RAP1A: variants seen among roughly 807,000 people sequenced by gnomAD.
RAP1A encodes RAP1A, member of RAS oncogene family, also known as ras-related protein Rap-1A.
Under a neutral mutation model 26.4 loss-of-function variants are expected in RAP1A, and 6 were observed. The observed-to-expected ratio is 0.23, with a 90% CI of 0.12 to 0.45. The LOEUF is 0.45. Ranked by LOEUF, RAP1A falls within the 20% of genes least tolerant of loss-of-function variation. The pLI is 0.99. For synonymous variants in RAP1A, 73 were observed against 79.4 expected (o/e 0.92, Z 0.43); for missense variants, 121 against 217.2 (o/e 0.56, Z 2.78).
intron 1 of RAP1A, among the ~76,000 whole-genome samples, chr1:111,679,208 T>C (rs1006230464): frequency 6.6e-6 from 1 of 152,162 alleles, no homozygotes; most frequent in African/African-American, 2.4e-5. Flanking sequence ...TCACTGGGAC[T>C]GGGTTAGACA....
intron 1 of RAP1A, among the ~76,000 whole-genome samples, chr1:111,658,973 T>A (rs1388051719): frequency 6.6e-6 from 1 of 152,232 alleles, no homozygotes; most frequent in Non-Finnish European, 1.5e-5. Flanking sequence ...TTGATGCCTT[T>A]ATCGTTATGT....
intron 1 of RAP1A, among the ~76,000 whole-genome samples, chr1:111,684,940 G>A (rs1044262679): frequency 2.0e-5 from 3 of 152,102 alleles, no homozygotes; most frequent in Non-Finnish European, 4.4e-5. Flanking sequence ...CAGATACATA[G>A]ACCAATGGAA....
chr1:111,701,077 C>T (rs1485466179), intron 4 of RAP1A, among the ~76,000 whole-genome samples: 1 of 152,162 alleles, frequency 6.6e-6, no homozygotes, highest in Non-Finnish European at 1.5e-5. Context: ...ATGTTTTCCT[C>T]AGCTTAAATT....
chr1:111,632,597 A>T (rs978214112), intron 1 of RAP1A, among the ~76,000 whole-genome samples: 1 of 152,132 alleles, frequency 6.6e-6, no homozygotes, highest in Non-Finnish European at 1.5e-5. Flanking sequence ...TGGTTGAAGG[A>T]GTAGAATACT....
intron 1 of RAP1A, among the ~76,000 whole-genome samples, chr1:111,628,896 C>T (rs1053146160): frequency 6.6e-6 from 1 of 152,030 alleles, no homozygotes; most frequent in African/African-American, 2.4e-5. Context: ...CCTATCATTT[C>T]GTCAGTAAAA....
chr1:111,586,722 A>G (rs1658371531), intron 1 of RAP1A, among the ~76,000 whole-genome samples: 1 of 152,226 alleles, frequency 6.6e-6, no homozygotes, highest in South Asian at 2.1e-4. Context: ...CAGGTTGTTG[A>G]AGGACTGAAT....
intron 1 of RAP1A, among the ~76,000 whole-genome samples, chr1:111,688,722 C>T (rs1332373257): frequency 6.6e-6 from 1 of 150,850 alleles, no homozygotes; most frequent in African/African-American, 2.4e-5. Context: ...GATTATTGTG[C>T]CTCGTTGTGG....
intron 1 of RAP1A, among the ~76,000 whole-genome samples, chr1:111,624,227 A>T: frequency 6.6e-6 from 1 of 152,228 alleles, no homozygotes; most frequent in East Asian, 1.9e-4. Context: ...TTAATGCCAG[A>T]TTCATATCTT....
At chr1:111,665,478 C>T (rs1041020735) in intron 1 of RAP1A, among the ~76,000 whole-genome samples, 15 of 152,120 alleles carry the variant, frequency 9.9e-5, no homozygotes, top group Non-Finnish European at 1.8e-4. Flanking sequence ...ATGTTTTGGT[C>T]AACCTAGAAA....
At chr1:111,700,662 C>G (rs1014920854) in intron 4 of RAP1A, among the ~76,000 whole-genome samples, 3 of 152,190 alleles carry the variant, frequency 2.0e-5, no homozygotes, top group Admixed American at 2.0e-4. Context: ...TTCAATATCT[C>G]TTTTTGTATG....
intron 1 of RAP1A, among the ~76,000 whole-genome samples, chr1:111,543,861 T>G (rs1000088595): frequency 1.2e-4 from 18 of 152,148 alleles, no homozygotes; most frequent in Non-Finnish European, 2.2e-4. Flanking sequence ...GGGTTTATTT[T>G]AAAGGATTGG....
chr1:111,700,379 A>G (rs1455315913), intron 4 of RAP1A, among the ~76,000 whole-genome samples: 3 of 152,186 alleles, frequency 2.0e-5, no homozygotes, highest in African/African-American at 7.2e-5. Flanking sequence ...AAAGGCAAAG[A>G]GGAGTAGGTG....
At chr1:111,611,538 T>C (rs563771917) in intron 1 of RAP1A, among the ~76,000 whole-genome samples, 1 of 152,374 alleles carries the variant, frequency 6.6e-6, no homozygotes, top group South Asian at 2.1e-4. Context: ...CCTATAAAAA[T>C]AGCTAATAGT....
intron 1 of RAP1A, among the ~76,000 whole-genome samples, chr1:111,573,134 T>C (rs964161726): frequency 3.3e-5 from 5 of 152,238 alleles, no homozygotes; most frequent in African/African-American, 1.2e-4. Flanking sequence ...CACATTTTCT[T>C]TATCCAGTCT....
intron 6 of RAP1A, among the ~76,000 whole-genome samples, 160 bp from the exon 7 acceptor site, chr1:111,708,987 CTA>C (rs2101309390): frequency 6.6e-6 from 1 of 152,296 alleles, no homozygotes; most frequent in South Asian, 2.1e-4. Context: ...GTCCTGCTTT[CTA>C]CCCTGATTGA....
At chr1:111,640,828 G>T (rs1659867437) in intron 1 of RAP1A, among the ~76,000 whole-genome samples, 1 of 152,090 alleles carries the variant, frequency 6.6e-6, no homozygotes, top group South Asian at 2.1e-4. Context: ...GCAGGGTGTG[G>T]TGGTGCATAC....
intron 1 of RAP1A, among the ~76,000 whole-genome samples, chr1:111,551,055 C>T (rs1657235483): frequency 6.6e-6 from 1 of 152,178 alleles, no homozygotes; most frequent in Non-Finnish European, 1.5e-5. Flanking sequence ...GCCACTTCAA[C>T]TCTCTTTTTG....
At chr1:111,553,289 G>C (rs970005587) in intron 1 of RAP1A, among the ~76,000 whole-genome samples, 3 of 152,198 alleles carry the variant, frequency 2.0e-5, no homozygotes, top group Non-Finnish European at 4.4e-5. Context: ...TCCTAGGCTT[G>C]GGATTCCTCA....
In RAP1A at chr1:111,713,429, A is replaced by T. The variant is rs566606166; in HGVS notation, c.*1028A>T. 2 of 152,314 alleles carry T rather than the reference A, an allele frequency of 1.3e-5. No homozygotes were observed. Among genetic ancestry groups the T allele is most frequent in the East Asian group, 3.9e-4 (2 of 5,192 alleles). The allele number at this position is 152,314 out of a possible 1,614,324, so 9.4% of individuals were successfully genotyped here. On this transcript the variant is annotated 3_prime_UTR_variant, in exon 8 of 8. Coordinates refer to ENST00000369709, the MANE Select transcript of RAP1A (RefSeq NM_002884.4). ...TTTTATATGTAAAAAGATAAGTTTAATACTGTATCAGGGTTTAACTTTTAC... is the reference window on the plus strand; with the variant it reads ...TTTTATATGTAAAAAGATAAGTTTATTACTGTATCAGGGTTTAACTTTTAC...
Sources: allele counts gnomAD v4.1 joint callset (sites outside exome capture counted in the v4.1 genomes callset), GRCh38; gene constraint gnomAD v4.1.1; transcripts MANE v1.5; gene names NCBI Gene and HGNC (gene_info 2026-07-23, HGNC 2026-07-21).